COL5A2: variants seen among roughly 807,000 people sequenced by gnomAD.
COL5A2 encodes the protein collagen type V alpha 2 chain.
A neutral mutation model predicts 208.2 loss-of-function variants in COL5A2; 23 were observed. That is an observed-to-expected ratio of 0.11 (90% CI 0.08 to 0.16). COL5A2 has a LOEUF of 0.16. COL5A2 is among the 10% of genes least tolerant of loss of function. The pLI, the probability that COL5A2 is intolerant of heterozygous loss-of-function variation, is 1.00. For missense variants in COL5A2, 1,590 were observed against 1,956.4 expected, an observed-to-expected ratio of 0.81 and a Z score of 3.53; for synonymous variants, 625 against 628.5, an observed-to-expected ratio of 0.99 and a Z score of 0.08.
intron 6 of COL5A2, among the ~76,000 whole-genome samples, chr2:189,095,333 G>A (rs1042079777): frequency 2.0e-5 from 3 of 151,866 alleles, no homozygotes; most frequent in Non-Finnish European, 2.9e-5. Flanking sequence ...TCTTGAAATC[G>A]GTGTAGGCAG....
the COL5A2 span, among the ~76,000 whole-genome samples, chr2:189,435,732 C>T: frequency 5.9e-5 from 9 of 152,150 alleles, no homozygotes; most frequent in East Asian, 5.8e-4. Context: ...GTTGGTGGGA[C>T]GGTAAACTAG....
the COL5A2 span, among the ~76,000 whole-genome samples, chr2:189,393,195 C>T: frequency 1.3e-5 from 2 of 151,730 alleles, no homozygotes; most frequent in Admixed American, 6.6e-5. Flanking sequence ...TACAGAAAAA[C>T]ACACAAAAAA....
chr2:189,054,226 G>T lies in COL5A2; in HGVS notation c.2392-14C>A. 1 of 1,606,822 alleles carries T rather than the reference G, an allele frequency of 6.2e-7. No individual in the cohort carries two copies. The highest frequency in any genetic ancestry group is 8.5e-7 in the Non-Finnish European group (1 of 1,174,322). On this transcript the variant is annotated splice_polypyrimidine_tract_variant and intron_variant, in intron 35 of 53. Transcript: ENST00000374866. ...ACCTGGAAGACCCTGTCAATTAACA[G>T]AACATAGGCATATTGAGGTAAAAAA...
At chr2:189,155,196 C>G (rs1253606969) in intron 1 of COL5A2, among the ~76,000 whole-genome samples, 2 of 152,116 alleles carry the variant, frequency 1.3e-5, no homozygotes, top group Non-Finnish European at 2.9e-5. Flanking sequence ...CTATGTTGCC[C>G]AGGCTGGTCT....
chr2:189,170,848 A>G (rs1386271063), intron 1 of COL5A2, among the ~76,000 whole-genome samples: 1 of 152,072 alleles, frequency 6.6e-6, no homozygotes, highest in Non-Finnish European at 1.5e-5. Context: ...AATAAATTAT[A>G]TTAATAATTA....
chr2:189,053,970 G>T, intron 36 of COL5A2, 22 bp from the exon 37 acceptor site: 2 of 1,611,574 alleles, frequency 1.2e-6, no homozygotes, highest in Non-Finnish European at 1.7e-6. Context: ...ATTTTAGATG[G>T]TTACTGTCCA....
chr2:189,260,562 T>C, the COL5A2 span, among the ~76,000 whole-genome samples: 1 of 152,114 alleles, frequency 6.6e-6, no homozygotes, highest in Non-Finnish European at 1.5e-5. Flanking sequence ...AATGAGGTGA[T>C]GAGGTTGATG....
chr2:189,407,360 T>C, the COL5A2 span, among the ~76,000 whole-genome samples: 4 of 152,066 alleles, frequency 2.6e-5, no homozygotes, highest in African/African-American at 9.7e-5. Context: ...TTTACATCAC[T>C]CAAAACATAG....
At chr2:189,257,096 T>C in the COL5A2 span, among the ~76,000 whole-genome samples, 1 of 152,330 alleles carries the variant, frequency 6.6e-6, no homozygotes, top group Admixed American at 6.5e-5. Context: ...GTGATCTAAG[T>C]ACCTAGAAGG....
intron 1 of COL5A2, among the ~76,000 whole-genome samples, chr2:189,131,471 T>C (rs1687713807): frequency 6.6e-6 from 1 of 152,120 alleles, no homozygotes. Flanking sequence ...GTGAAAAAAA[T>C]GTCTTAATGA....
At chr2:189,199,182 T>C (rs1440693232) in intron 1 of COL5A2, among the ~76,000 whole-genome samples, 1 of 152,192 alleles carries the variant, frequency 6.6e-6, no homozygotes, top group African/African-American at 2.4e-5. Flanking sequence ...ATTGACTAAT[T>C]GGTCAGTATA....
intron 1 of COL5A2, among the ~76,000 whole-genome samples, chr2:189,160,013 T>C (rs543850434): frequency 4.6e-5 from 7 of 152,334 alleles, no homozygotes; most frequent in African/African-American, 1.7e-4. Context: ...AACTCAGCAC[T>C]GAACACAAAT....
chr2:189,186,694 C>T (rs1050568584), intron 1 of COL5A2, among the ~76,000 whole-genome samples: 3 of 152,086 alleles, frequency 2.0e-5, no homozygotes, highest in Non-Finnish European at 2.9e-5. Flanking sequence ...TCCATCACTG[C>T]TTTTTAAAAA....
the COL5A2 span, among the ~76,000 whole-genome samples, chr2:189,266,233 C>T: frequency 6.6e-6 from 1 of 152,048 alleles, no homozygotes; most frequent in South Asian, 2.1e-4. Flanking sequence ...AGAGACCAGC[C>T]TGACCAACAT....
the COL5A2 span, among the ~76,000 whole-genome samples, chr2:189,300,182 A>T: frequency 6.6e-6 from 1 of 152,236 alleles, no homozygotes; most frequent in Non-Finnish European, 1.5e-5. Context: ...ATTCCTTGCC[A>T]GTCAGCATAT....
chr2:189,186,572 C>T (rs146050854), intron 1 of COL5A2, among the ~76,000 whole-genome samples: 1,601 of 152,260 alleles, frequency 0.011, 24 homozygotes, highest in South Asian at 0.036. Context: ...TCAAATTGCA[C>T]GTCAAGGAAT....
At chr2:189,204,303 A>G (rs1576585248) in intron 1 of COL5A2, among the ~76,000 whole-genome samples, 1 of 152,354 alleles carries the variant, frequency 6.6e-6, no homozygotes, top group Admixed American at 6.5e-5. Context: ...ATGAAAATGA[A>G]AGAGAAGCAC....
the COL5A2 span, among the ~76,000 whole-genome samples, chr2:189,261,596 C>A: frequency 6.6e-6 from 1 of 152,154 alleles, no homozygotes; most frequent in Non-Finnish European, 1.5e-5. Context: ...GGTCTCAAAC[C>A]TAAAGTCAGC....
At chr2:189,150,629 T>C (rs976384833) in intron 1 of COL5A2, among the ~76,000 whole-genome samples, 2 of 152,134 alleles carry the variant, frequency 1.3e-5, no homozygotes, top group Admixed American at 6.6e-5. Flanking sequence ...CCTACTCCCA[T>C]TTAAAAAACC....
Sources: allele counts gnomAD v4.1 joint callset (sites outside exome capture counted in the v4.1 genomes callset), GRCh38; gene constraint gnomAD v4.1.1; transcripts MANE v1.5; gene names NCBI Gene and HGNC (gene_info 2026-07-23, HGNC 2026-07-21).